MGAT5: variants seen among roughly 807,000 people sequenced by gnomAD.
MGAT5 encodes alpha-1,6-mannosylglycoprotein 6-beta-N-acetylglucosaminyltransferase A.
In MGAT5, 30 loss-of-function variants were observed where a neutral mutation model predicts 94.3. The ratio of observed to expected loss-of-function variants is 0.32; its 90% confidence interval spans 0.24 to 0.43. The LOEUF (loss-of-function observed/expected upper bound fraction) is 0.43, where lower values mean the gene tolerates loss of function less well. Ranked by LOEUF, MGAT5 falls within the 20% of genes least tolerant of loss-of-function variation. The pLI, the probability that MGAT5 is intolerant of heterozygous loss-of-function variation, is 1.00. For missense variants in MGAT5, 691 were observed against 905.5 expected (o/e 0.76, Z 3.04); for synonymous variants, 310 against 322.9 (o/e 0.96, Z 0.43).
chr2:134,173,126 G>A (rs1019976682), intron 1 of MGAT5, among the ~76,000 whole-genome samples: 1 of 152,102 alleles, frequency 6.6e-6, no homozygotes, highest in Admixed American at 6.6e-5. Flanking sequence ...AAACTCAAAG[G>A]GATTTTTAAT....
chr2:134,295,795 C>G (rs1248758785), intron 2 of MGAT5, among the ~76,000 whole-genome samples: 1 of 152,160 alleles, frequency 6.6e-6, no homozygotes, highest in Admixed American at 6.5e-5. Flanking sequence ...TCAGTTCAGC[C>G]TCTTGCCTTA....
chr2:134,278,089 C>T (rs181027746), intron 2 of MGAT5, among the ~76,000 whole-genome samples: 1 of 152,288 alleles, frequency 6.6e-6, no homozygotes, highest in East Asian at 1.9e-4. Flanking sequence ...GCTGTGTCCT[C>T]TCAGGTATTG....
intron 2 of MGAT5, among the ~76,000 whole-genome samples, chr2:134,281,431 CTG>C (rs1308753088): frequency 6.6e-6 from 1 of 152,184 alleles, no homozygotes; most frequent in Non-Finnish European, 1.5e-5. Flanking sequence ...AGGAGAATGA[CTG>C]AAAGTATTGG....
At chr2:134,435,672 G>A (rs1685129315) in intron 14 of MGAT5, among the ~76,000 whole-genome samples, 1 of 152,162 alleles carries the variant, frequency 6.6e-6, no homozygotes, top group Non-Finnish European at 1.5e-5. Flanking sequence ...TTTGTGTCAG[G>A]CGCTTTTCTG....
chr2:134,213,268 C>T (rs545196245), intron 1 of MGAT5, among the ~76,000 whole-genome samples: 34 of 152,254 alleles, frequency 2.2e-4, no homozygotes, highest in African/African-American at 8.2e-4. Context: ...CAATCAGATA[C>T]TGGACTGGCT....
At chr2:134,373,933 C>T (rs1434980703) in intron 10 of MGAT5, among the ~76,000 whole-genome samples, 1 of 152,234 alleles carries the variant, frequency 6.6e-6, no homozygotes, top group Non-Finnish European at 1.5e-5. Context: ...CTCGTCAACA[C>T]TGCTAGAGGT....
intron 1 of MGAT5, among the ~76,000 whole-genome samples, chr2:134,216,978 A>G (rs1246556248): frequency 6.6e-6 from 1 of 152,154 alleles, no homozygotes; most frequent in Non-Finnish European, 1.5e-5. Flanking sequence ...TATCTTTAGT[A>G]AGATAACGGA....
chr2:134,160,044 C>T (rs1468019035), intron 1 of MGAT5, among the ~76,000 whole-genome samples: 1 of 152,156 alleles, frequency 6.6e-6, no homozygotes, highest in African/African-American at 2.4e-5. Flanking sequence ...GATTCCTCAG[C>T]TGGCTGCTGC....
intron 1 of MGAT5, among the ~76,000 whole-genome samples, chr2:134,159,099 T>C (rs1239213963): frequency 2.0e-5 from 3 of 152,252 alleles, no homozygotes; most frequent in Non-Finnish European, 4.4e-5. Flanking sequence ...TTTACCTGTT[T>C]CTATTTATCT....
intron 4 of MGAT5, chr2:134,320,052 G>T: frequency 5.5e-6 from 1 of 183,254 alleles, no homozygotes; most frequent in Non-Finnish European, 1.2e-5. Context: ...CCAAGAGCAG[G>T]CTCCAGATCT....
At chr2:134,122,383 C>T (rs1311623020) in intron 1 of MGAT5, among the ~76,000 whole-genome samples, 1 of 152,156 alleles carries the variant, frequency 6.6e-6, no homozygotes, top group Non-Finnish European at 1.5e-5. Context: ...GGATTACAGG[C>T]GTGACCCACC....
In MGAT5 at chr2:134,254,209, A is replaced by C; in HGVS notation, c.-195A>C. ...CAAGTGAAAACATGGCTTCTGGTTT[A>C]TTTTGCTGTATTGTGCCATGACCAC... On this transcript the variant is annotated 5_prime_UTR_variant, in exon 1 of 16. Coordinates refer to ENST00000281923, the MANE Select transcript of MGAT5 (RefSeq NM_002410.5). The C allele has an allele frequency of 1.6e-6, 1 of 619,134 alleles. No homozygotes were observed. The highest frequency in any genetic ancestry group is 3.0e-5 in the Admixed American group (1 of 32,942). 38.4% of individuals were successfully genotyped at this position (619,134 alleles called of 1,614,324 possible).
intron 10 of MGAT5, among the ~76,000 whole-genome samples, chr2:134,383,678 A>G (rs1573975675): frequency 2.0e-5 from 3 of 151,046 alleles, no homozygotes; most frequent in Non-Finnish European, 2.9e-5. Flanking sequence ...CATACCTGTC[A>G]CCTGTTTTTG....
At position 134,186,728 on chromosome 2, in the gene MGAT5, G is replaced by T. The variant is rs981499122; in HGVS notation, c.-143+66437G>T. Among the ~76,000 whole-genome samples the T allele has an allele frequency of 3.3e-5, 5 of 152,276 alleles. No individual in the cohort carries two copies. In the South Asian group the frequency reaches 8.3e-4, roughly 25 times the overall value. On this transcript the variant is annotated intron_variant, in intron 1 of 16. Transcript: ENST00000409645. Reference sequence around the variant, plus strand: ...GATCGTGACTTTACTCTGTATAACCGAGTCAGTGATGGCATCATCAAAGTC... The same window carrying T: ...GATCGTGACTTTACTCTGTATAACCTAGTCAGTGATGGCATCATCAAAGTC...
intron 2 of MGAT5, among the ~76,000 whole-genome samples, chr2:134,306,582 A>G (rs1036344678): frequency 3.3e-5 from 5 of 151,996 alleles, no homozygotes; most frequent in Admixed American, 6.6e-5. Flanking sequence ...GGTGCAGGCA[A>G]TCTCTCCTTC....
intron 1 of MGAT5, among the ~76,000 whole-genome samples, chr2:134,255,508 C>T (rs1018988536): frequency 1.3e-5 from 2 of 149,860 alleles, no homozygotes; most frequent in Non-Finnish European, 3.0e-5. Context: ...CATATATACA[C>T]ATATATATAT....
intron 6 of MGAT5, 51 bp from the exon 7 acceptor site, chr2:134,341,539 C>T: frequency 6.9e-7 from 1 of 1,453,140 alleles, no homozygotes; most frequent in Middle Eastern, 1.8e-4. Flanking sequence ...CATTACTGTG[C>T]CTTTTGTATG....
chr2:134,375,045 G>T (rs1367261661), intron 10 of MGAT5, among the ~76,000 whole-genome samples: 1 of 152,196 alleles, frequency 6.6e-6, no homozygotes, highest in African/African-American at 2.4e-5. Context: ...GTTGTAATTT[G>T]TACTGCTGGC....
chr2:134,206,785 C>A (rs1680040661), intron 1 of MGAT5, among the ~76,000 whole-genome samples: 2 of 152,092 alleles, frequency 1.3e-5, no homozygotes. Context: ...TGGCCACAAG[C>A]CAAAAAATAC....
Sources: gnomAD v4.1 joint callset for allele counts (sites outside exome capture counted in the v4.1 genomes callset) on GRCh38, gnomAD v4.1.1 for gene constraint, MANE v1.5 for transcripts, NCBI Gene and HGNC (gene_info 2026-07-23, HGNC 2026-07-21) for gene names.